Variants in TENM4 observed in about 807,000 individuals in gnomAD.
TENM4 encodes the protein teneurin-4.
A neutral mutation model predicts 243.3 loss-of-function variants in TENM4; 82 were observed. That is an observed-to-expected ratio of 0.34 (90% CI 0.28 to 0.40). The LOEUF (loss-of-function observed/expected upper bound fraction) is 0.40. Ranked by LOEUF, TENM4 falls within the 10% of genes least tolerant of loss-of-function variation. The pLI, the probability that TENM4 is intolerant of heterozygous loss-of-function variation, is 1.00. For synonymous variants in TENM4, 1,412 were observed against 1,456.3 expected, an observed-to-expected ratio of 0.97 and a Z score of 0.69; for missense variants, 3,138 against 3,673.3, an observed-to-expected ratio of 0.85 and a Z score of 3.77.
chr11:78,845,547 A>G (rs1858371082), intron 12 of TENM4, among the ~76,000 whole-genome samples: 1 of 152,176 alleles, frequency 6.6e-6, no homozygotes, highest in African/African-American at 2.4e-5. Flanking sequence ...ATCGACCACC[A>G]GTGCCAATTC....
chr11:79,132,757 A>C (rs751362973), intron 4 of TENM4, among the ~76,000 whole-genome samples: 4 of 152,212 alleles, frequency 2.6e-5, no homozygotes, highest in African/African-American at 4.8e-5. Context: ...ACTGAGTCAA[A>C]AATGAAATCA....
At chr11:79,079,666 G>A (rs895046994) in intron 4 of TENM4, among the ~76,000 whole-genome samples, 1 of 151,928 alleles carries the variant, frequency 6.6e-6, no homozygotes, top group Non-Finnish European at 1.5e-5. Context: ...CCATCTCTAC[G>A]AAATATACAA....
Position 78,658,019 on chromosome 11 carries a change from G to A in TENM4, c.*39C>T. ...CACAGTCAGGTATGCGGCCACAAAAGAGTAGCTGTCTTTGGCAAGAAGTCC... is the reference window on the plus strand; with the variant it reads ...CACAGTCAGGTATGCGGCCACAAAAAAGTAGCTGTCTTTGGCAAGAAGTCC... On this transcript the variant is annotated 3_prime_UTR_variant, in exon 34 of 34. Transcript: ENST00000278550. 1 of 1,613,972 alleles carries A rather than the reference G, an allele frequency of 6.2e-7. No individual in the cohort carries two copies. The highest frequency in any genetic ancestry group is 8.5e-7 in the Non-Finnish European group (1 of 1,179,868).
At chr11:79,073,400 G>T (rs1448861085) in intron 4 of TENM4, among the ~76,000 whole-genome samples, 1 of 151,740 alleles carries the variant, frequency 6.6e-6, no homozygotes, top group African/African-American at 2.4e-5. Flanking sequence ...TTTCATGTCT[G>T]CCTCTCCCCT....
At chr11:79,251,544 T>C (rs1343436851) in intron 2 of TENM4, among the ~76,000 whole-genome samples, 1 of 152,198 alleles carries the variant, frequency 6.6e-6, no homozygotes, top group Non-Finnish European at 1.5e-5. Flanking sequence ...TCACCTTGAA[T>C]GCAGGGAAAT....
At chr11:78,891,170 G>C in intron 8 of TENM4, 68 bp downstream of exon 8, 1 of 1,423,538 alleles carries the variant, frequency 7.0e-7, no homozygotes, top group Non-Finnish European at 9.7e-7. Context: ...AAGGTCTCAG[G>C]GTCTGCATGC....
At chr11:79,439,773 G>C (rs879397048) in intron 1 of TENM4, among the ~76,000 whole-genome samples, 2 of 152,090 alleles carry the variant, frequency 1.3e-5, no homozygotes, top group Non-Finnish European at 2.9e-5. Flanking sequence ...TGAGGAGCTC[G>C]GTGATCACAT....
chr11:78,975,960 C>A (rs1023645660), intron 6 of TENM4, among the ~76,000 whole-genome samples: 1 of 152,144 alleles, frequency 6.6e-6, no homozygotes, highest in Admixed American at 6.5e-5. Context: ...GAGGCTCAAA[C>A]AGAGGCGGCT....
At chr11:78,705,484 A>G (rs533226587) in intron 27 of TENM4, among the ~76,000 whole-genome samples, 1 of 152,142 alleles carries the variant, frequency 6.6e-6, no homozygotes, top group Non-Finnish European at 1.5e-5. Context: ...TCACCACCCT[A>G]TTAGCGATGA....
At chr11:78,738,908 T>C (rs931639215) in intron 19 of TENM4, among the ~76,000 whole-genome samples, 2 of 152,138 alleles carry the variant, frequency 1.3e-5, no homozygotes, top group Non-Finnish European at 2.9e-5. Flanking sequence ...TGTAGTTCAA[T>C]GATCTGGGGT....
chr11:78,892,292 C>G (rs987191318), intron 7 of TENM4, among the ~76,000 whole-genome samples: 1 of 152,234 alleles, frequency 6.6e-6, no homozygotes, highest in Admixed American at 6.5e-5. Context: ...TATCACCTCA[C>G]TTTCAGACTC....
intron 6 of TENM4, among the ~76,000 whole-genome samples, chr11:79,044,920 T>A (rs1859622315): frequency 6.6e-6 from 1 of 152,212 alleles, no homozygotes; most frequent in African/African-American, 2.4e-5. Flanking sequence ...GTTGTTTTTT[T>A]AAAGTATGTT....
intron 6 of TENM4, among the ~76,000 whole-genome samples, chr11:78,976,226 T>C (rs896335745): frequency 1.3e-5 from 2 of 152,134 alleles, no homozygotes. Flanking sequence ...AGCCTAGGCC[T>C]CCTGAGCCTA....
At chr11:78,954,433 G>A (rs1220858259) in intron 6 of TENM4, among the ~76,000 whole-genome samples, 5 of 152,328 alleles carry the variant, frequency 3.3e-5, no homozygotes, top group South Asian at 4.1e-4. Context: ...AAATAACACC[G>A]AGTCACATGC....
At chr11:79,005,389 A>G (rs983500649) in intron 6 of TENM4, among the ~76,000 whole-genome samples, 2 of 152,244 alleles carry the variant, frequency 1.3e-5, no homozygotes, top group South Asian at 4.1e-4. Context: ...GGAGCACATC[A>G]AAAAGGTAAT....
intron 7 of TENM4, among the ~76,000 whole-genome samples, chr11:78,900,930 C>T (rs1056882169): frequency 9.2e-5 from 14 of 152,186 alleles, no homozygotes; most frequent in Non-Finnish European, 1.3e-4. Context: ...CTGAATTAAG[C>T]ACCTTTTCCG....
intron 4 of TENM4, among the ~76,000 whole-genome samples, chr11:79,078,353 C>G (rs1242725553): frequency 6.6e-6 from 1 of 151,370 alleles, no homozygotes. Context: ...TGGGTAGCAT[C>G]TGTGTGTGTG....
At chr11:78,935,078 C>A (rs1856755791) in intron 6 of TENM4, among the ~76,000 whole-genome samples, 1 of 127,968 alleles carries the variant, frequency 7.8e-6, no homozygotes, top group Non-Finnish European at 1.6e-5. Context: ...GTGGCGCAAT[C>A]TCGGCTCACT....
At chr11:78,769,879 A>G (rs1487060457) in intron 18 of TENM4, among the ~76,000 whole-genome samples, 1 of 152,232 alleles carries the variant, frequency 6.6e-6, no homozygotes, top group Non-Finnish European at 1.5e-5. Flanking sequence ...AAACCACAGA[A>G]ATCACAACAT....
Sources: gnomAD v4.1 joint callset for allele counts (sites outside exome capture counted in the v4.1 genomes callset) on GRCh38, gnomAD v4.1.1 for gene constraint, MANE v1.5 for transcripts, NCBI Gene and HGNC (gene_info 2026-07-23, HGNC 2026-07-21) for gene names.